The following IARS1 variants were observed in gnomAD, a reference collection of about 807,000 sequenced individuals.
IARS1 encodes the protein isoleucyl-tRNA synthetase 1, also known as isoleucine--tRNA ligase, cytoplasmic.
In IARS1, 124 loss-of-function variants were observed where a neutral mutation model predicts 168.2. The observed-to-expected ratio is 0.74, with a 90% confidence interval of 0.64 to 0.86. The LOEUF is 0.86. Ranked by LOEUF, IARS1 falls within the 40% of genes least tolerant of loss-of-function variation. IARS1 has a pLI of 0.00. For missense variants in IARS1, 1,452 were observed against 1,515.8 expected, an observed-to-expected ratio of 0.96 and a Z score of 0.70; for synonymous variants, 532 against 529.4, an observed-to-expected ratio of 1.00 and a Z score of -0.07.
Position 92,250,770 on chromosome 9 carries a change from ACAGGGTCAAT to A in IARS1, c.2362_2371del (p.Ile788PhefsTer23). 6.2e-7 allele frequency: 1 copy of A among 1,613,760 alleles called. No individual in the cohort carries two copies. On this transcript the variant is annotated frameshift_variant, in exon 23 of 34. Coordinates refer to ENST00000443024, the MANE Select transcript of IARS1 (RefSeq NM_002161.6). LOFTEE classifies it high-confidence loss of function. ...GAGTGTGTCCTTGTCCTGAACAGAAACAGGGTCAATCAGCACCTTTAGATTCTGGTACATC... is the reference window on the plus strand; with the variant it reads ...GAGTGTGTCCTTGTCCTGAACAGAAACAGCACCTTTAGATTCTGGTACATC...
chr9:92,289,638 T>C (rs889567847), intron 1 of IARS1, among the ~76,000 whole-genome samples: 5 of 152,178 alleles, frequency 3.3e-5, no homozygotes, highest in Admixed American at 2.0e-4. Flanking sequence ...ATACCTAATT[T>C]CAAAACGTTT....
intron 13 of IARS1, among the ~76,000 whole-genome samples, chr9:92,269,214 A>T (rs1832694405): frequency 6.6e-6 from 1 of 152,184 alleles, no homozygotes; most frequent in Admixed American, 6.5e-5. Flanking sequence ...CTGCCCTGAG[A>T]TTCTCCCCAT....
In IARS1 at chr9:92,278,202, T is replaced by C; in HGVS notation, c.830A>G (p.Glu277Gly). ...YKLESDYEIL[E>G]RFPGAYLKGK... is the part of the protein sequence containing the mutation. The stretch of plus-strand genomic sequence containing the variant: ...GAGCAACTATTTGAATATTCACCTT[T>C]CAAGGATCTCATAGTCACTCTCCAA... Residue 277 changes from glutamate to glycine, a missense_variant, in exon 8 of 34, where the codon GAA (glutamate) becomes GGA (glycine). Transcript: ENST00000443024. The C allele has an allele frequency of 1.9e-6, 3 of 1,581,702 alleles. No homozygotes were observed. The highest frequency in any genetic ancestry group is 2.6e-6 in the Non-Finnish European group (3 of 1,150,286).
chr9:92,268,566 T>C (rs1445237006), intron 13 of IARS1, among the ~76,000 whole-genome samples: 1 of 152,208 alleles, frequency 6.6e-6, no homozygotes, highest in Non-Finnish European at 1.5e-5. Context: ...AGCTGCCACA[T>C]ACCTCTAACC....
chr9:92,214,891 C>A (rs553706773), intron 33 of IARS1, among the ~76,000 whole-genome samples: 1 of 152,212 alleles, frequency 6.6e-6, no homozygotes, highest in Non-Finnish European at 1.5e-5. Flanking sequence ...ACAAAGCAGC[C>A]GGGAAGCTCG....
At chr9:92,288,410 C>A in intron 2 of IARS1, 128 bp from the exon 3 acceptor site, 1 of 771,830 alleles carries the variant, frequency 1.3e-6, no homozygotes. Flanking sequence ...AACCGACAGA[C>A]ATAATTGATT....
At chr9:92,249,763 ATAAAT>A (rs1829739918) in intron 25 of IARS1, 90 bp downstream of exon 25, 3 of 624,950 alleles carry the variant, frequency 4.8e-6, no homozygotes, top group South Asian at 4.9e-5. Context: ...ACTAATAAAA[ATAAAT>A]TATAGAGTCA....
In IARS1 at chr9:92,229,083, C is replaced by T. The variant is rs763060368; in HGVS notation, c.3327G>A (p.Leu1109=). Residue 1109 remains leucine (L), a synonymous_variant, in exon 31 of 34, where the codon TTG becomes TTA. Coordinates refer to ENST00000443024, the MANE Select transcript of IARS1 (RefSeq NM_002161.6). The part of the protein sequence containing the change: ...LLENPKGDNR[L]DLLKLKSVVT... The stretch of plus-strand genomic sequence containing the variant: ...CAACACTCTTCAGCTTTAAAAGGTC[C>T]AACCTATTGTCACCTTTTGGATTTT... 1 of 1,613,870 alleles carries T rather than the reference C, an allele frequency of 6.2e-7. No homozygotes were observed. Among genetic ancestry groups the T allele is most frequent in the South Asian group, 1.1e-5 (1 of 91,052 alleles).
At chr9:92,268,388 G>T in intron 13 of IARS1, 88 bp from the exon 14 acceptor site, 3 of 1,349,568 alleles carry the variant, frequency 2.2e-6, no homozygotes, top group Non-Finnish European at 2.1e-6. Context: ...TTTGTATAAC[G>T]CTTTGTGGAC....
At chr9:92,215,080 C>T (rs897734096) in intron 33 of IARS1, among the ~76,000 whole-genome samples, 9 of 152,292 alleles carry the variant, frequency 5.9e-5, no homozygotes, top group East Asian at 1.9e-4. Flanking sequence ...GATCTGAGAA[C>T]GGGCAGACTG....
chr9:92,291,153 T>C (rs2134016409), intron 1 of IARS1, among the ~76,000 whole-genome samples: 1 of 152,250 alleles, frequency 6.6e-6, no homozygotes, highest in African/African-American at 2.4e-5. Context: ...AGACCTTTCC[T>C]TCTCAAAGTC....
intron 33 of IARS1, among the ~76,000 whole-genome samples, chr9:92,222,055 C>A (rs543886913): frequency 6.6e-6 from 1 of 152,072 alleles, no homozygotes; most frequent in South Asian, 2.1e-4. Flanking sequence ...TCACGGCTCA[C>A]GCCTGTAATC....
Position 92,210,899 on chromosome 9 carries a change from A to G in IARS1, c.3707-10T>C, listed in dbSNP as rs2133288207. On this transcript the variant is annotated splice_polypyrimidine_tract_variant and intron_variant, in intron 33 of 33. Coordinates refer to ENST00000443024, the MANE Select transcript of IARS1 (RefSeq NM_002161.6). ...ATGTCTTCTGTAATTTCTAGAATGG[A>G]AAGAAAAAGTTGAAAAAAAATCAGT... is the stretch of plus-strand genomic sequence containing the variant. 1.3e-6 allele frequency: 2 copies of G among 1,564,504 alleles called. No individual in the cohort carries two copies. The highest frequency in any genetic ancestry group is 8.8e-7 in the Non-Finnish European group (1 of 1,135,104).
In IARS1 at chr9:92,245,002, G is replaced by C. The variant is rs746428880; in HGVS notation, c.2861C>G (p.Ala954Gly). ...DIRLMYTFDQATGGTAQFEAH... is the reference protein window; with the variant it reads ...DIRLMYTFDQGTGGTAQFEAH... ...TTCAAATTGCGCAGTCCCACCTGTG[G>C]CCTGATCAAAGGTGTACATGAGGCG... The change falls in exon 27 of 34, where the codon GCC (alanine) becomes GGC (glycine). Residue 954 changes from alanine to glycine, a missense_variant. Physicochemically the swap from Ala to Gly is moderately conservative, Grantham distance 60. Transcript: ENST00000443024. 34 of 1,613,978 alleles carry C rather than the reference G, an allele frequency of 2.1e-5. No homozygotes were observed. The East Asian group carries it at 7.4e-4, about 35-fold the overall frequency.
chr9:92,247,350 G>A lies in IARS1; in HGVS notation c.2791+27C>T, dbSNP rs542590184. ...TATCCCTCAGACTCAGGACATAAATGGTGCCCTTGTCTGTGTAGACACCTA... is the reference window on the plus strand; with the variant it reads ...TATCCCTCAGACTCAGGACATAAATAGTGCCCTTGTCTGTGTAGACACCTA... On this transcript the variant is annotated intron_variant, in intron 26 of 33. Transcript: ENST00000443024. 80 of 1,597,554 alleles carry A rather than the reference G, an allele frequency of 5.0e-5. No homozygotes were observed. In the South Asian group the frequency reaches 8.9e-4, roughly 18 times the overall value.
intron 30 of IARS1, among the ~76,000 whole-genome samples, chr9:92,229,388 CAT>C (rs1826309176): frequency 6.6e-6 from 1 of 150,572 alleles, no homozygotes; most frequent in Non-Finnish European, 1.5e-5. Flanking sequence ...CACACACACA[CAT>C]CTCCATCCTT....
chr9:92,243,558 A>G, intron 27 of IARS1: 1 of 345,684 alleles, frequency 2.9e-6, no homozygotes. Flanking sequence ...TGCTGCTCAC[A>G]GGAGATGCCC....
rs140952520 is a variant in IARS1 at position 92,236,128 on chromosome 9, C to T, written c.3283+4728G>A. 4.1e-3 allele frequency among the ~76,000 whole-genome samples: 631 copies of T among 152,110 alleles called. 3 individuals are homozygous for T. Among genetic ancestry groups the T allele is most frequent in the Non-Finnish European group, 7.3e-3 (497 of 67,978 alleles). ...CTCCCGAGTAGGCTGAGATTACAGG[C>T]GCCCGCCACCAGGCTTGGCTAATTT... On this transcript the variant is annotated intron_variant, in intron 30 of 33. Transcript: ENST00000443024.
chr9:92,277,666 C>T (rs1312437010), intron 9 of IARS1, among the ~76,000 whole-genome samples, 197 bp downstream of exon 9: 2 of 121,830 alleles, frequency 1.6e-5, no homozygotes, highest in Admixed American at 7.4e-5. Flanking sequence ...CAGAGGAAAC[C>T]CTGTTTTTAA....
Sources: gnomAD v4.1 joint callset for allele counts (sites outside exome capture counted in the v4.1 genomes callset) on GRCh38, gnomAD v4.1.1 for gene constraint, MANE v1.5 for transcripts, NCBI Gene and HGNC (gene_info 2026-07-23, HGNC 2026-07-21) for gene names.